LCOR: variants seen among roughly 807,000 people sequenced by gnomAD.
The protein encoded by LCOR is ligand dependent nuclear receptor corepressor.
Under a neutral mutation model 64.4 loss-of-function variants are expected in LCOR, and 14 were observed. The observed-to-expected ratio is 0.22, with a 90% CI of 0.14 to 0.34. The LOEUF is 0.34. Ranked by LOEUF, LCOR falls within the 10% of genes least tolerant of loss-of-function variation. The pLI, the probability that LCOR is intolerant of heterozygous loss-of-function variation, is 1.00. For synonymous variants in LCOR, 643 were observed against 642.5 expected (o/e 1.00, Z -0.01); for missense variants, 1,686 against 1,765.3 (o/e 0.96, Z 0.80).
At chr10:96,953,163 C>T (rs1043969148) in intron 7 of LCOR, among the ~76,000 whole-genome samples, 4 of 152,072 alleles carry the variant, frequency 2.6e-5, no homozygotes, top group East Asian at 1.9e-4. Flanking sequence ...ATCCATTATG[C>T]GTACTAATCT....
At position 96,922,945 on chromosome 10, in the gene LCOR, A is replaced by T. The variant is rs549901833; in HGVS notation, c.-184+15198A>T. ...AAACTTTTTGGTTTTCTATTCATTA[A>T]CTTGATAGTCTGCTTAACAGTCAGT... On this transcript the variant is annotated intron_variant, in intron 4 of 7. Transcript: ENST00000421806. Among the ~76,000 whole-genome samples, 14 of 152,298 alleles carry T rather than the reference A, an allele frequency of 9.2e-5. No individual in the cohort carries two copies. The South Asian group carries it at 2.7e-3, about 29-fold the overall frequency.
intron 2 of LCOR, among the ~76,000 whole-genome samples, chr10:96,838,949 T>C (rs927036400): frequency 1.3e-5 from 2 of 152,254 alleles, no homozygotes; most frequent in Non-Finnish European, 2.9e-5. Context: ...CAGTACTGTA[T>C]GACAGTTCCG....
rs1477892580 is a variant in LCOR at position 96,900,907 on chromosome 10, C to T, written c.-329-6358C>T. Among the ~76,000 whole-genome samples the T allele has an allele frequency of 4.1e-5, 6 of 146,734 alleles. No homozygotes were observed. The East Asian group carries it at 7.9e-4, about 19-fold the overall frequency. ...TTTTTTCTGTTTTAAGAGATGGGGTCGGCCGGGCGCAGTGGCTCACACCTG... is the reference window on the plus strand; with the variant it reads ...TTTTTTCTGTTTTAAGAGATGGGGTTGGCCGGGCGCAGTGGCTCACACCTG... On this transcript the variant is annotated intron_variant, in intron 2 of 7. Transcript: ENST00000421806.
Position 96,985,118 on chromosome 10 carries a change from G to A in LCOR, c.4658G>A (p.Arg1553Gln), listed in dbSNP as rs1300739948. The A allele has an allele frequency of 1.9e-6, 3 of 1,597,100 alleles. No individual in the cohort carries two copies. Among genetic ancestry groups the A allele is most frequent in the East Asian group, 2.2e-5 (1 of 44,746 alleles). ...KLDCSHSKRRRLDAK is the reference protein window; with the variant it reads ...KLDCSHSKRRQLDAK ...GACTGTTCGCACAGCAAACGGAGGC[G>A]GCTGGATGCAAAGTGATTGGAAAGA... Residue 1553 changes from arginine to glutamine, a missense_variant, in exon 8 of 8, where the codon CGG (arginine) becomes CAG (glutamine). Arg to Gln is a conservative substitution (Grantham distance 43, BLOSUM62 1). Coordinates refer to ENST00000421806, the MANE Select transcript of LCOR (RefSeq NM_001346516.2).
chr10:96,945,975 G>A (rs1199872418), intron 5 of LCOR, among the ~76,000 whole-genome samples: 20 of 151,428 alleles, frequency 1.3e-4, no homozygotes, highest in Admixed American at 1.3e-3. Context: ...TTTAGGGGAG[G>A]AATTCTTACC....
At chr10:96,883,621 C>T (rs903680617) in intron 2 of LCOR, among the ~76,000 whole-genome samples, 1 of 152,152 alleles carries the variant, frequency 6.6e-6, no homozygotes. Flanking sequence ...CTTTCATATG[C>T]TTACTTGCCT....
chr10:96,832,366 G>T lies in LCOR; in HGVS notation c.-437G>T. ...GAGACGCGGCTTTCGGCAAGAACTG[G>T]ATTCGTGGCGCCACAAGCTCATTCA... On this transcript the variant is annotated 5_prime_UTR_variant, in exon 1 of 8. Coordinates refer to ENST00000421806, the MANE Select transcript of LCOR (RefSeq NM_001346516.2). 2.0e-6 allele frequency: 2 copies of T among 985,122 alleles called. No homozygotes were observed. Among genetic ancestry groups the T allele is most frequent in the South Asian group, 4.6e-5 (1 of 21,624 alleles). 61.0% of individuals were successfully genotyped at this position (985,122 alleles called of 1,614,324 possible).
At chr10:96,918,008 T>C (rs1450656805) in intron 4 of LCOR, among the ~76,000 whole-genome samples, 2 of 152,026 alleles carry the variant, frequency 1.3e-5, no homozygotes, top group Non-Finnish European at 1.5e-5. Flanking sequence ...GTAGACAGGG[T>C]TGTGGGAAAT....
chr10:96,872,810 A>G (rs1243275930), intron 2 of LCOR, among the ~76,000 whole-genome samples: 1 of 152,198 alleles, frequency 6.6e-6, no homozygotes, highest in African/African-American at 2.4e-5. Flanking sequence ...CAGAATCACA[A>G]TAGAGGAAGA....
At chr10:96,950,463 C>CTCCT (rs1298762650) in intron 6 of LCOR, among the ~76,000 whole-genome samples, 1 of 152,078 alleles carries the variant, frequency 6.6e-6, no homozygotes, top group African/African-American at 2.4e-5. Context: ...CATTAAAGAT[C>CTCCT]TCCTCACTCT....
chr10:96,982,806 C>G lies in LCOR; in HGVS notation c.2346C>G (p.Cys782Trp), dbSNP rs758886332. 6.2e-7 allele frequency: 1 copy of G among 1,613,882 alleles called. No individual in the cohort carries two copies. Among genetic ancestry groups the G allele is most frequent in the East Asian group, 2.2e-5 (1 of 44,876 alleles). ...KLEGEDGDVK[C>W]LSEKDTYDTS... The stretch of plus-strand genomic sequence containing the variant: ...AGGGAGAGGACGGTGATGTAAAATG[C>G]CTGTCAGAAAAAGACACGTATGATA... The change falls in exon 8 of 8, where the codon TGC (cysteine) becomes TGG (tryptophan). Residue 782 changes from cysteine to tryptophan, a missense_variant. Physicochemically the swap from Cys to Trp is radical, Grantham distance 215. Around this residue, in one of 3 missense-constraint regions of LCOR, gnomAD observed 1,293 missense variants for 1,410.4 expected, o/e 0.92. Transcript: ENST00000421806.
chr10:96,877,830 C>G (rs1352254648), intron 2 of LCOR, among the ~76,000 whole-genome samples: 1 of 152,006 alleles, frequency 6.6e-6, no homozygotes, highest in Non-Finnish European at 1.5e-5. Context: ...CCAGGATGGT[C>G]TCGATCTCCT....
chr10:96,875,677 C>T (rs190010052), intron 2 of LCOR, among the ~76,000 whole-genome samples: 1 of 151,992 alleles, frequency 6.6e-6, no homozygotes, highest in East Asian at 1.9e-4. Context: ...ACCTGGGCAA[C>T]GTGGTGAAAC....
chr10:96,953,550 C>CCAAAACAAAACAAAA (rs113122469), intron 7 of LCOR, among the ~76,000 whole-genome samples: 3 of 151,334 alleles, frequency 2.0e-5, no homozygotes, highest in African/African-American at 7.3e-5. Context: ...GACCTTGTCT[C>CCAAAACAAAACAAAA]CAAAACAAAA....
At chr10:96,861,951 T>G (rs1845894847) in intron 2 of LCOR, among the ~76,000 whole-genome samples, 2 of 152,248 alleles carry the variant, frequency 1.3e-5, no homozygotes, top group South Asian at 4.1e-4. Flanking sequence ...ATCTTAAGTC[T>G]GGGCTTCTGG....
intron 7 of LCOR, among the ~76,000 whole-genome samples, chr10:96,976,114 G>A (rs1023963900): frequency 3.3e-5 from 5 of 152,192 alleles, no homozygotes; most frequent in Non-Finnish European, 7.3e-5. Context: ...CCAGTGACAG[G>A]CTGACAAGAA....
chr10:96,911,201 G>A, intron 4 of LCOR, among the ~76,000 whole-genome samples: 1 of 150,106 alleles, frequency 6.7e-6, no homozygotes, highest in East Asian at 2.0e-4. Context: ...GGGTTCAAGC[G>A]ATTCTCATGC....
intron 7 of LCOR, among the ~76,000 whole-genome samples, chr10:96,953,986 A>G (rs968664552): frequency 5.9e-5 from 9 of 152,206 alleles, no homozygotes; most frequent in African/African-American, 1.9e-4. Flanking sequence ...AAACCTTACA[A>G]ATTAACTTTG....
At chr10:96,927,007 A>G (rs187860247) in intron 4 of LCOR, among the ~76,000 whole-genome samples, 4 of 151,992 alleles carry the variant, frequency 2.6e-5, no homozygotes, top group Admixed American at 2.0e-4. Context: ...TTGTGGACAT[A>G]TTGTTTGATT....
Sources: allele counts gnomAD v4.1 joint callset (sites outside exome capture counted in the v4.1 genomes callset), GRCh38; gene constraint gnomAD v4.1.1; regional missense constraint gnomAD v4.1.1; transcripts MANE v1.5; gene names NCBI Gene and HGNC (gene_info 2026-07-23, HGNC 2026-07-21).